PATJ: variants seen among roughly 807,000 people sequenced by gnomAD.
The protein encoded by PATJ is inaD-like protein.
A neutral mutation model predicts 224.9 loss-of-function variants in PATJ; 190 were observed. The observed-to-expected ratio is 0.84, with a 90% CI of 0.75 to 0.95. The LOEUF (loss-of-function observed/expected upper bound fraction) is 0.95, where lower values mean the gene tolerates loss of function less well. Ranked by LOEUF, PATJ falls within the 40% of genes least tolerant of loss-of-function variation. The pLI is 0.00. For missense variants in PATJ, 2,121 were observed against 2,270.3 expected (o/e 0.93, Z 1.34); for synonymous variants, 769 against 820.3 (o/e 0.94, Z 1.07).
intron 31 of PATJ, among the ~76,000 whole-genome samples, chr1:62,066,006 T>C (rs946107741): frequency 6.6e-6 from 1 of 152,198 alleles, no homozygotes; most frequent in Non-Finnish European, 1.5e-5. Flanking sequence ...GATTTTGTTA[T>C]CTTTCAAAGG....
chr1:61,832,160 G>A (rs551710684), intron 16 of PATJ, among the ~76,000 whole-genome samples: 1 of 152,024 alleles, frequency 6.6e-6, no homozygotes, highest in Admixed American at 6.6e-5. Flanking sequence ...AACAATATAC[G>A]CTGGGGCCTA....
At chr1:61,993,375 T>A (rs1558007176) in intron 28 of PATJ, among the ~76,000 whole-genome samples, 1 of 152,192 alleles carries the variant, frequency 6.6e-6, no homozygotes. Context: ...CAGGTCCACG[T>A]GTTCAGCAAG....
intron 14 of PATJ, among the ~76,000 whole-genome samples, chr1:61,819,777 C>A (rs1656887488): frequency 1.3e-5 from 2 of 152,186 alleles, no homozygotes; most frequent in Non-Finnish European, 1.5e-5. Flanking sequence ...GCAGGCTTCT[C>A]TGTAGGAGTA....
intron 7 of PATJ, among the ~76,000 whole-genome samples, chr1:61,778,319 A>G (rs115489762): frequency 6.6e-5 from 10 of 152,276 alleles, no homozygotes; most frequent in African/African-American, 2.2e-4. Flanking sequence ...CCCAGCCTCA[A>G]TATTTTCTGA....
intron 27 of PATJ, among the ~76,000 whole-genome samples, chr1:61,972,330 T>C (rs969456420): frequency 1.3e-5 from 2 of 152,068 alleles, no homozygotes; most frequent in Non-Finnish European, 2.9e-5. Context: ...TGCAGATTTT[T>C]GAGCATTTCT....
At chr1:61,901,907 C>T (rs924971131) in intron 24 of PATJ, among the ~76,000 whole-genome samples, 1 of 152,056 alleles carries the variant, frequency 6.6e-6, no homozygotes, top group Non-Finnish European at 1.5e-5. Flanking sequence ...GCACCGGATA[C>T]GCTCTGTGGG....
At chr1:61,984,936 G>T (rs907352366) in intron 27 of PATJ, among the ~76,000 whole-genome samples, 1 of 152,048 alleles carries the variant, frequency 6.6e-6, no homozygotes, top group African/African-American at 2.4e-5. Flanking sequence ...AGCCTGGCAT[G>T]AATTTGGATT....
At chr1:62,127,463 ACTTT>A (rs1178709063) in intron 39 of PATJ, among the ~76,000 whole-genome samples, 2 of 151,350 alleles carry the variant, frequency 1.3e-5, no homozygotes, top group African/African-American at 4.9e-5. Flanking sequence ...GATTCTGACA[ACTTT>A]CACAAGGTTA....
At chr1:61,997,982 T>TTTTTTTTATATA (rs374175697) in intron 28 of PATJ, among the ~76,000 whole-genome samples, 7 of 118,338 alleles carry the variant, frequency 5.9e-5, no homozygotes, top group Non-Finnish European at 1.1e-4. Flanking sequence ...TGTGCCCAGC[T>TTTTTTTTATATA]TATATATGTA....
intron 41 of PATJ, among the ~76,000 whole-genome samples, chr1:62,131,365 G>A (rs968125977): frequency 2.0e-5 from 3 of 152,106 alleles, no homozygotes; most frequent in Admixed American, 2.0e-4. Context: ...GACCTTAGGA[G>A]GATCCTACTT....
chr1:61,805,304 C>A, intron 12 of PATJ, 144 bp from the exon 13 acceptor site: 1 of 587,592 alleles, frequency 1.7e-6, no homozygotes, highest in Non-Finnish European at 3.0e-6. Flanking sequence ...CCTAGCAGAC[C>A]TAAGTTAATG....
At chr1:62,038,333 CTTTG>C (rs1289915781) in intron 30 of PATJ, 5 of 214,758 alleles carry the variant, frequency 2.3e-5, no homozygotes, top group Admixed American at 5.7e-5. Flanking sequence ...AGAAAATTCT[CTTTG>C]TTTATGACTG....
intron 28 of PATJ, among the ~76,000 whole-genome samples, chr1:62,014,488 AG>A (rs1372951047): frequency 6.6e-5 from 10 of 151,590 alleles, no homozygotes; most frequent in African/African-American, 1.2e-4. Flanking sequence ...TTTACCAGTT[AG>A]TATATTTTGA....
chr1:61,996,594 C>T (rs553137267), intron 28 of PATJ, among the ~76,000 whole-genome samples: 1 of 151,838 alleles, frequency 6.6e-6, no homozygotes, highest in African/African-American at 2.4e-5. Flanking sequence ...AATAACTATG[C>T]CCTCAGAGAC....
chr1:61,952,283 A>G, intron 27 of PATJ: 1 of 636,170 alleles, frequency 1.6e-6, no homozygotes, highest in Non-Finnish European at 3.0e-6. Context: ...AGAGAGAAAA[A>G]TAGGCCCAAG....
At chr1:61,961,705 G>A (rs563896834) in intron 27 of PATJ, among the ~76,000 whole-genome samples, 15 of 151,884 alleles carry the variant, frequency 9.9e-5, no homozygotes, top group African/African-American at 1.9e-4. Flanking sequence ...GCGGTGGCTC[G>A]TGCCTGTAAT....
At chr1:62,159,177 T>G (rs1558251833) in intron 43 of PATJ, among the ~76,000 whole-genome samples, 1 of 152,142 alleles carries the variant, frequency 6.6e-6, no homozygotes, top group South Asian at 2.1e-4. Context: ...CTTAAAAGAT[T>G]TGAGTGAAGT....
chr1:62,140,230 G>A (rs1324596748), intron 41 of PATJ, among the ~76,000 whole-genome samples: 1 of 152,178 alleles, frequency 6.6e-6, no homozygotes, highest in Non-Finnish European at 1.5e-5. Flanking sequence ...CTAAGATTCA[G>A]TATTATCAGT....
chr1:61,795,379 G>A (rs999209457), intron 9 of PATJ, 88 bp from the exon 10 acceptor site: 14 of 662,726 alleles, frequency 2.1e-5, no homozygotes, highest in Middle Eastern at 2.5e-4. Context: ...AGTCAACCCC[G>A]TTAGCTAATT....
Sources: gnomAD v4.1 joint callset for allele counts (sites outside exome capture counted in the v4.1 genomes callset) on GRCh38, gnomAD v4.1.1 for gene constraint, MANE v1.5 for transcripts, NCBI Gene and HGNC (gene_info 2026-07-23, HGNC 2026-07-21) for gene names.